Variants in UBAC2 observed in about 807,000 individuals in gnomAD.
UBAC2 encodes ubiquitin-associated domain-containing protein 2.
Under a neutral mutation model 44.0 loss-of-function variants are expected in UBAC2, and 26 were observed. That is an observed-to-expected ratio of 0.59 (90% CI 0.43 to 0.82). UBAC2 has a LOEUF of 0.82. UBAC2 is among the 40% of genes least tolerant of loss of function. The probability of loss-of-function intolerance (pLI) is 0.00; values close to 1 mark genes in which losing one functional copy is unlikely to be tolerated. For synonymous variants in UBAC2, 155 were observed against 154.3 expected, an observed-to-expected ratio of 1.00 and a Z score of -0.04; for missense variants, 329 against 419.4, an observed-to-expected ratio of 0.78 and a Z score of 1.88.
At chr13:99,373,043 C>T (rs1332123284) in intron 8 of UBAC2, among the ~76,000 whole-genome samples, 1 of 152,114 alleles carries the variant, frequency 6.6e-6, no homozygotes, top group Non-Finnish European at 1.5e-5. Context: ...ATGGTGTGAA[C>T]CCGAGAGGCA....
chr13:99,220,333 C>T (rs187727860), intron 1 of UBAC2, among the ~76,000 whole-genome samples: 39 of 152,232 alleles, frequency 2.6e-4, no homozygotes, highest in Admixed American at 1.4e-3. Flanking sequence ...ATAATTAATT[C>T]GTGCTTCAGG....
intron 1 of UBAC2, among the ~76,000 whole-genome samples, chr13:99,237,752 T>TGA (rs1339424149): frequency 6.6e-6 from 1 of 152,214 alleles, no homozygotes; most frequent in Non-Finnish European, 1.5e-5. Flanking sequence ...CCCAGGAGTT[T>TGA]GAGACCAGTC....
At chr13:99,217,306 T>G (rs1315629172) in intron 1 of UBAC2, among the ~76,000 whole-genome samples, 1 of 152,160 alleles carries the variant, frequency 6.6e-6, no homozygotes, top group African/African-American at 2.4e-5. Context: ...GTTTTTCTGC[T>G]CGGATCTCTT....
Position 99,219,572 on chromosome 13 carries a change from TTC to T in UBAC2, c.31+18635_31+18636del, listed in dbSNP as rs144884307. 4.6e-3 allele frequency among the ~76,000 whole-genome samples: 694 copies of T among 152,282 alleles called. 6 individuals are homozygous for T. Among genetic ancestry groups the T allele is most frequent in the African/African-American group, 0.015 (637 of 41,556 alleles). On this transcript the variant is annotated intron_variant, in intron 1 of 8. Coordinates refer to ENST00000403766, the MANE Select transcript of UBAC2 (RefSeq NM_001144072.2). ...CAAATTTGTAAACTTTCTTAAAACA[TTC>T]TGAGATTTTTTTCAATTTTTTTAAG...
intron 1 of UBAC2, among the ~76,000 whole-genome samples, chr13:99,237,481 G>A (rs2043251176): frequency 6.6e-6 from 1 of 152,146 alleles, no homozygotes; most frequent in South Asian, 2.1e-4. Context: ...CAGAGGCTGG[G>A]AAGGGTAGGA....
chr13:99,356,545 G>A (rs1046587622), intron 7 of UBAC2, among the ~76,000 whole-genome samples: 3 of 152,246 alleles, frequency 2.0e-5, no homozygotes, highest in African/African-American at 7.2e-5. Flanking sequence ...GTCACTGTGA[G>A]AAACCACAAA....
chr13:99,242,959 C>T (rs1424711393), intron 2 of UBAC2, among the ~76,000 whole-genome samples: 4 of 150,314 alleles, frequency 2.7e-5, no homozygotes, highest in Non-Finnish European at 5.9e-5. Context: ...GGATGGCGGC[C>T]GGGAAGAGGC....
At chr13:99,298,443 A>G (rs762042289) in intron 4 of UBAC2, among the ~76,000 whole-genome samples, 6 of 152,216 alleles carry the variant, frequency 3.9e-5, no homozygotes, top group Non-Finnish European at 8.8e-5. Context: ...AAATGCTTAG[A>G]ACTAAATGAT....
intron 1 of UBAC2, among the ~76,000 whole-genome samples, chr13:99,210,942 C>T (rs1051666195): frequency 6.6e-6 from 1 of 152,150 alleles, no homozygotes; most frequent in African/African-American, 2.4e-5. Flanking sequence ...AAGCATTCCC[C>T]TAGGATGCTG....
At chr13:99,373,586 C>T (rs1012796174) in intron 8 of UBAC2, among the ~76,000 whole-genome samples, 1 of 152,152 alleles carries the variant, frequency 6.6e-6, no homozygotes, top group Admixed American at 6.5e-5. Flanking sequence ...AACAGGTGGA[C>T]AAAGAGCTTG....
chr13:99,256,922 G>A (rs763736622), intron 4 of UBAC2, among the ~76,000 whole-genome samples: 1 of 152,208 alleles, frequency 6.6e-6, no homozygotes, highest in East Asian at 1.9e-4. Context: ...TCACTTTGCA[G>A]AGTGGGCTGT....
chr13:99,337,029 TC>T, intron 6 of UBAC2, among the ~76,000 whole-genome samples: 1 of 152,108 alleles, frequency 6.6e-6, no homozygotes, highest in East Asian at 1.9e-4. Flanking sequence ...CTTTCCTGTC[TC>T]GTTTTACTGC....
At chr13:99,272,206 G>A (rs2043824692) in intron 4 of UBAC2, among the ~76,000 whole-genome samples, 1 of 152,134 alleles carries the variant, frequency 6.6e-6, no homozygotes, top group Non-Finnish European at 1.5e-5. Context: ...TCTAGGTCAA[G>A]TGCCTTGTGG....
intron 1 of UBAC2, among the ~76,000 whole-genome samples, chr13:99,209,357 C>A (rs2042912767): frequency 6.6e-6 from 1 of 152,204 alleles, no homozygotes; most frequent in Non-Finnish European, 1.5e-5. Context: ...CTGTGGGAAT[C>A]AGGGGACTGC....
chr13:99,367,941 A>G, intron 8 of UBAC2, 35 bp downstream of exon 8: 1 of 1,597,892 alleles, frequency 6.3e-7, no homozygotes, highest in Non-Finnish European at 8.5e-7. Flanking sequence ...CTCATTCTAA[A>G]TCCATGTTTC....
intron 4 of UBAC2, among the ~76,000 whole-genome samples, chr13:99,259,338 G>A (rs189275228): frequency 2.0e-5 from 3 of 146,370 alleles, no homozygotes. Context: ...ACAGTTTGGG[G>A]TCCATCCTTT....
In UBAC2 at chr13:99,217,913, C is replaced by A. The variant is rs74960551; in HGVS notation, c.31+16974C>A. Among the ~76,000 whole-genome samples, 68 of 152,262 alleles carry A rather than the reference C, an allele frequency of 4.5e-4. No homozygotes were observed. The East Asian group carries it at 0.013, about 28-fold the overall frequency. On this transcript the variant is annotated intron_variant, in intron 1 of 8. Coordinates refer to ENST00000403766, the MANE Select transcript of UBAC2 (RefSeq NM_001144072.2). ...TCCCCCATTTCACTGCCTGCCTGGC[C>A]TCTGTAGGCACTTGAATTTACAACA...
chr13:99,315,632 A>G (rs868169215), intron 5 of UBAC2, among the ~76,000 whole-genome samples: 1 of 152,150 alleles, frequency 6.6e-6, no homozygotes, highest in Non-Finnish European at 1.5e-5. Context: ...CCATTTCCCC[A>G]TCTATCAAAT....
intron 6 of UBAC2, among the ~76,000 whole-genome samples, chr13:99,338,738 C>G (rs1182963073): frequency 2.0e-5 from 3 of 152,196 alleles, no homozygotes; most frequent in Admixed American, 1.3e-4. Flanking sequence ...GGTACCAAAA[C>G]TGTTCTTGTA....
Sources: gnomAD v4.1 joint callset for allele counts (sites outside exome capture counted in the v4.1 genomes callset) on GRCh38, gnomAD v4.1.1 for gene constraint, MANE v1.5 for transcripts, NCBI Gene and HGNC (gene_info 2026-07-23, HGNC 2026-07-21) for gene names.